DCDC1: variants seen among roughly 807,000 people sequenced by gnomAD.
The protein encoded by DCDC1 is doublecortin domain-containing protein 1.
In DCDC1, 200 loss-of-function variants were observed where a neutral mutation model predicts 178.3. That is an observed-to-expected ratio of 1.12 (90% confidence interval 1.00 to 1.26). The LOEUF is 1.26. Ranked by LOEUF, DCDC1 falls within the 50% of genes most tolerant of loss-of-function variation. DCDC1 has a pLI of 0.00. For synonymous variants in DCDC1, 690 were observed against 604.8 expected, an observed-to-expected ratio of 1.14 and a Z score of -2.07; for missense variants, 1,983 against 1,749.2, an observed-to-expected ratio of 1.13 and a Z score of -2.38.
intron 20 of DCDC1, 72 bp downstream of exon 20, chr11:31,064,397 A>T: frequency 1.5e-6 from 1 of 658,502 alleles, no homozygotes; most frequent in South Asian, 1.8e-5. Context: ...TCAAGAAATC[A>T]ATCTTACATG....
chr11:31,015,525 T>C lies in DCDC1; in HGVS notation c.2591+48944A>G, dbSNP rs576456995. Reference sequence around the variant, plus strand: ...CACCTGTGTTCTATCTGATGGCATGTAAAAACTATATTTCTCTTATAACAT... The same window carrying C: ...CACCTGTGTTCTATCTGATGGCATGCAAAAACTATATTTCTCTTATAACAT... On this transcript the variant is annotated intron_variant, in intron 20 of 38. Transcript: ENST00000684477. Among the ~76,000 whole-genome samples, 14 of 152,276 alleles carry C rather than the reference T, an allele frequency of 9.2e-5. No homozygotes were observed. The East Asian group carries it at 2.5e-3, about 27-fold the overall frequency.
intron 3 of DCDC1, among the ~76,000 whole-genome samples, chr11:31,309,806 G>C (rs910844330): frequency 2.6e-5 from 4 of 152,026 alleles, no homozygotes; most frequent in African/African-American, 9.7e-5. Context: ...ATATTCTGAA[G>C]TTTTAATCAT....
At chr11:31,121,293 A>G (rs531109369) in intron 11 of DCDC1, among the ~76,000 whole-genome samples, 3 of 151,808 alleles carry the variant, frequency 2.0e-5, no homozygotes, top group South Asian at 4.2e-4. Flanking sequence ...CATTAGGAAC[A>G]ATGCAATTAC....
intron 2 of DCDC1, among the ~76,000 whole-genome samples, chr11:31,330,335 C>A (rs1949904608): frequency 1.3e-5 from 2 of 152,124 alleles, no homozygotes; most frequent in Non-Finnish European, 2.9e-5. Flanking sequence ...AATTTTCTCC[C>A]ATTCTGTAGG....
rs36105742 is a variant in DCDC1, at chr11:30,957,435, G to A, written c.2592-4867C>T. Among the ~76,000 whole-genome samples the A allele has an allele frequency of 1.1e-4, 16 of 152,082 alleles. No individual in the cohort carries two copies. The East Asian group carries it at 2.3e-3, about 22-fold the overall frequency. ...GCCTCATCAGGGTTTTTACATTACC[G>A]AAGTCAAAGGTCTTTTCTTAAAACA... is the stretch of plus-strand genomic sequence containing the variant. On this transcript the variant is annotated intron_variant, in intron 20 of 38. Coordinates refer to ENST00000684477, the MANE Select transcript of DCDC1 (RefSeq NM_001387274.1).
chr11:31,091,392 C>A lies in DCDC1; in HGVS notation c.2237+1G>T, dbSNP rs746055503. 3 of 732,404 alleles carry A rather than the reference C, an allele frequency of 4.1e-6. No individual in the cohort carries two copies. In the African/African-American group the frequency reaches 5.1e-5, roughly 13 times the overall value. 45.4% of individuals were successfully genotyped at this position (732,404 alleles called of 1,614,324 possible). On this transcript the variant is annotated splice_donor_variant, in intron 17 of 38. Coordinates refer to ENST00000684477, the MANE Select transcript of DCDC1 (RefSeq NM_001387274.1). LOFTEE classifies it high-confidence loss of function. ...TGAGCTAAATAATTTATAAGCATTACCTTTTCTGTAAGATTAATTTATATC... is the reference window on the plus strand; with the variant it reads ...TGAGCTAAATAATTTATAAGCATTAACTTTTCTGTAAGATTAATTTATATC...
At chr11:30,901,235 C>A (rs1463792961) in intron 32 of DCDC1, among the ~76,000 whole-genome samples, 1 of 152,042 alleles carries the variant, frequency 6.6e-6, no homozygotes, top group Non-Finnish European at 1.5e-5. Context: ...TAACAGTACC[C>A]TGCAATAGAA....
intron 16 of DCDC1, among the ~76,000 whole-genome samples, chr11:31,093,615 T>C (rs1957949443): frequency 6.6e-6 from 1 of 152,306 alleles, no homozygotes; most frequent in Non-Finnish European, 1.5e-5. Flanking sequence ...ATGTTTATAC[T>C]CAGGGATTTC....
At chr11:30,890,953 T>G (rs1190977935) in intron 36 of DCDC1, among the ~76,000 whole-genome samples, 1 of 152,212 alleles carries the variant, frequency 6.6e-6, no homozygotes, top group African/African-American at 2.4e-5. Context: ...ATAAATATTC[T>G]TAATAAATAG....
At chr11:31,131,932 T>C (rs1030231004) in intron 10 of DCDC1, among the ~76,000 whole-genome samples, 4 of 152,196 alleles carry the variant, frequency 2.6e-5, no homozygotes, top group Non-Finnish European at 4.4e-5. Context: ...CTTTCACTGA[T>C]AGGGGATTTC....
chr11:31,088,396 CT>C (rs1957603386), intron 17 of DCDC1, among the ~76,000 whole-genome samples: 1 of 151,624 alleles, frequency 6.6e-6, no homozygotes, highest in African/African-American at 2.4e-5. Flanking sequence ...TCCTCTTTGT[CT>C]TGATTTGGAT....
chr11:31,033,490 CATTT>C (rs928089005), intron 20 of DCDC1, among the ~76,000 whole-genome samples: 44 of 152,122 alleles, frequency 2.9e-4, no homozygotes, highest in African/African-American at 9.4e-4. Context: ...CTCTCCCATT[CATTT>C]ATTTATTCAG....
intron 20 of DCDC1, among the ~76,000 whole-genome samples, chr11:30,956,285 C>T (rs1303877498): frequency 1.3e-5 from 2 of 152,162 alleles, no homozygotes; most frequent in Admixed American, 6.5e-5. Flanking sequence ...ATTCTCCCAC[C>T]TTGGCCTCCC....
At chr11:31,310,447 T>C (rs561505070) in intron 3 of DCDC1, among the ~76,000 whole-genome samples, 149 of 151,016 alleles carry the variant, frequency 9.9e-4, no homozygotes, top group African/African-American at 3.1e-3. Flanking sequence ...GCTTCCTGAG[T>C]AGCTGAGACT....
At chr11:31,306,443 A>C in intron 4 of DCDC1, 55 bp from the exon 5 acceptor site, 1 of 1,509,758 alleles carries the variant, frequency 6.6e-7, no homozygotes. Flanking sequence ...GAAAGCTTTT[A>C]AATAAATATT....
intron 9 of DCDC1, among the ~76,000 whole-genome samples, chr11:31,214,023 A>T (rs1303074630): frequency 6.6e-6 from 1 of 152,118 alleles, no homozygotes; most frequent in Non-Finnish European, 1.5e-5. Flanking sequence ...ATAATTTATA[A>T]ATTTCTGTAA....
chr11:30,899,314 C>A (rs1944480656), intron 34 of DCDC1, among the ~76,000 whole-genome samples: 1 of 152,124 alleles, frequency 6.6e-6, no homozygotes, highest in African/African-American at 2.4e-5. Context: ...ATGCATAAGT[C>A]ATTTGATATT....
intron 21 of DCDC1, among the ~76,000 whole-genome samples, chr11:30,942,254 G>A (rs922204037): frequency 6.6e-5 from 10 of 152,196 alleles, no homozygotes; most frequent in African/African-American, 2.4e-4. Context: ...ATAAAGGGAA[G>A]TAGTGGGATG....
chr11:30,931,626 C>A, intron 22 of DCDC1, 145 bp downstream of exon 22: 1 of 784,848 alleles, frequency 1.3e-6, no homozygotes. Flanking sequence ...GAGTCCTAGT[C>A]TCTATTTTCA....
Sources: gnomAD v4.1 joint callset for allele counts (sites outside exome capture counted in the v4.1 genomes callset) on GRCh38, gnomAD v4.1.1 for gene constraint, MANE v1.5 for transcripts, NCBI Gene and HGNC (gene_info 2026-07-23, HGNC 2026-07-21) for gene names.